Variants in BTRC observed in about 807,000 individuals in gnomAD.
BTRC encodes the protein beta-transducin repeat containing E3 ubiquitin protein ligase, also known as F-box/WD repeat-containing protein 1A.
A neutral mutation model predicts 85.5 loss-of-function variants in BTRC; 42 were observed. The ratio of observed to expected loss-of-function variants is 0.49; its 90% CI spans 0.38 to 0.64. The LOEUF (loss-of-function observed/expected upper bound fraction) is 0.64, where lower values mean the gene tolerates loss of function less well. Ranked by LOEUF, BTRC falls within the 30% of genes least tolerant of loss-of-function variation. The pLI, the probability that BTRC is intolerant of heterozygous loss-of-function variation, is 0.00. For synonymous variants in BTRC, 255 were observed against 263.3 expected, an observed-to-expected ratio of 0.97 and a Z score of 0.30; for missense variants, 594 against 743.5, an observed-to-expected ratio of 0.80 and a Z score of 2.34.
At chr10:101,393,118 A>C (rs1943278683) in intron 1 of BTRC, among the ~76,000 whole-genome samples, 1 of 152,048 alleles carries the variant, frequency 6.6e-6, no homozygotes, top group African/African-American at 2.4e-5. Flanking sequence ...CTTCCATAAA[A>C]ACTCAAGAGG....
intron 13 of BTRC, among the ~76,000 whole-genome samples, chr10:101,538,891 TAAA>T (rs899484314): frequency 6.7e-6 from 1 of 148,840 alleles, no homozygotes; most frequent in Non-Finnish European, 1.5e-5. Flanking sequence ...CTGCTAAAAA[TAAA>T]AAAAAAATTA....
At chr10:101,470,910 C>T (rs1387468853) in intron 3 of BTRC, among the ~76,000 whole-genome samples, 1 of 152,098 alleles carries the variant, frequency 6.6e-6, no homozygotes, top group Non-Finnish European at 1.5e-5. Context: ...TTTGTCCAAA[C>T]CATTTAGTTA....
chr10:101,473,954 T>C (rs1383374236), intron 3 of BTRC, among the ~76,000 whole-genome samples: 2 of 152,176 alleles, frequency 1.3e-5, no homozygotes, highest in Admixed American at 1.3e-4. Context: ...ATTTAGTTTA[T>C]TTTTGGTTTT....
At chr10:101,368,007 C>T (rs141890664) in intron 1 of BTRC, among the ~76,000 whole-genome samples, 80 of 152,208 alleles carry the variant, frequency 5.3e-4, no homozygotes, top group African/African-American at 1.9e-3. Flanking sequence ...TAGCTTTATG[C>T]TATGGTTTGA....
rs1413032711 is a variant in BTRC, at chr10:101,531,306, T to G, written c.813T>G (p.Leu271=). 6.2e-7 allele frequency: 1 copy of G among 1,609,864 alleles called. No homozygotes were observed. The highest frequency in any genetic ancestry group is 1.7e-5 in the Admixed American group (1 of 60,000). ...CTCCCAACTCTTTTTATAGAGCACTTTATCCTAAAATTATACAAGACATTG... is the reference window on the plus strand; with the variant it reads ...CTCCCAACTCTTTTTATAGAGCACTGTATCCTAAAATTATACAAGACATTG... ...NAPPNSFYRA[L]YPKIIQDIET... The change falls in exon 7 of 15, where the codon CTT becomes CTG. Residue 271 remains leucine, a synonymous_variant. Transcript: ENST00000370187.
intron 1 of BTRC, among the ~76,000 whole-genome samples, chr10:101,409,071 AAAAG>A (rs1176240109): frequency 1.3e-5 from 2 of 152,148 alleles, no homozygotes; most frequent in Non-Finnish European, 2.9e-5. Context: ...AAAAAACAAA[AAAAG>A]CCACACAAAA....
At chr10:101,407,471 T>C (rs1943656667) in intron 1 of BTRC, among the ~76,000 whole-genome samples, 1 of 152,202 alleles carries the variant, frequency 6.6e-6, no homozygotes. Context: ...TGGAGTGAAG[T>C]GGCGTGATCT....
intron 14 of BTRC, 122 bp downstream of exon 14, chr10:101,551,013 A>G (rs1452714233): frequency 1.1e-6 from 1 of 905,190 alleles, no homozygotes; most frequent in Non-Finnish European, 1.6e-6. Flanking sequence ...AAAGCCGAGG[A>G]AGCAGACAAT....
At chr10:101,538,481 C>T (rs2062419979) in intron 13 of BTRC, 110 bp downstream of exon 13, 1 of 977,372 alleles carries the variant, frequency 1.0e-6, no homozygotes, top group Admixed American at 2.1e-5. Flanking sequence ...CCTCACAAAA[C>T]CTACAACTAA....
chr10:101,385,366 CAAAA>C (rs10718968), intron 1 of BTRC, among the ~76,000 whole-genome samples: 2 of 82,920 alleles, frequency 2.4e-5, no homozygotes, highest in Non-Finnish European at 5.0e-5. Context: ...GACTCTGTCT[CAAAA>C]AAAAAAAAAA....
intron 5 of BTRC, among the ~76,000 whole-genome samples, chr10:101,523,139 G>A (rs892327398): frequency 1.3e-5 from 2 of 152,110 alleles, no homozygotes; most frequent in Admixed American, 1.3e-4. Context: ...AGGAGGCAGA[G>A]GTTGCAGTCA....
At chr10:101,386,897 T>C (rs1378141820) in intron 1 of BTRC, among the ~76,000 whole-genome samples, 2 of 152,238 alleles carry the variant, frequency 1.3e-5, no homozygotes, top group Admixed American at 1.3e-4. Context: ...TAGAGACTTT[T>C]TGAGTTTTGG....
chr10:101,514,029 G>A (rs2061991012), intron 4 of BTRC, among the ~76,000 whole-genome samples: 1 of 152,154 alleles, frequency 6.6e-6, no homozygotes, highest in African/African-American at 2.4e-5. Context: ...GACTAATAAT[G>A]TTGAACATCT....
chr10:101,522,988 G>A (rs1472817076), intron 5 of BTRC, among the ~76,000 whole-genome samples: 1 of 152,116 alleles, frequency 6.6e-6, no homozygotes, highest in Non-Finnish European at 1.5e-5. Flanking sequence ...GATGGATCAC[G>A]AGGTCAAGAG....
Position 101,358,680 on chromosome 10 carries a change from A to G in BTRC, c.48+4452A>G, listed in dbSNP as rs116534522. 3.4e-3 allele frequency among the ~76,000 whole-genome samples: 523 copies of G among 152,278 alleles called. 3 individuals are homozygous for G. Among genetic ancestry groups the G allele is most frequent in the African/African-American group, 0.012 (501 of 41,562 alleles). On this transcript the variant is annotated intron_variant, in intron 1 of 14. Transcript: ENST00000370187. ...TGGGAAAGACCTTCACTTCTCCTCT[A>G]TATGGGCCTTTCTCTACCTGGCTGC...
intron 2 of BTRC, among the ~76,000 whole-genome samples, chr10:101,456,853 A>G (rs1045603081): frequency 6.6e-6 from 1 of 152,208 alleles, no homozygotes; most frequent in South Asian, 2.1e-4. Flanking sequence ...AAAAGGTAAC[A>G]AGTTGTGCAC....
chr10:101,543,078 A>G (rs1005486231), intron 13 of BTRC, among the ~76,000 whole-genome samples: 2 of 152,120 alleles, frequency 1.3e-5, no homozygotes, highest in African/African-American at 2.4e-5. Flanking sequence ...GGATTTTGCC[A>G]TGTTGGGCAG....
intron 1 of BTRC, among the ~76,000 whole-genome samples, chr10:101,409,810 C>T (rs146084057): frequency 9.9e-5 from 15 of 152,190 alleles, no homozygotes; most frequent in South Asian, 2.1e-4. Flanking sequence ...TCTGTTTATT[C>T]GTTGATAAGT....
intron 1 of BTRC, among the ~76,000 whole-genome samples, chr10:101,406,740 G>A (rs1943636342): frequency 6.6e-6 from 1 of 150,404 alleles, no homozygotes; most frequent in Non-Finnish European, 1.5e-5. Context: ...TGCCATGTTG[G>A]CCAGGCTGGT....
Sources: gnomAD v4.1 joint callset for allele counts (sites outside exome capture counted in the v4.1 genomes callset) on GRCh38, gnomAD v4.1.1 for gene constraint, MANE v1.5 for transcripts, NCBI Gene and HGNC (gene_info 2026-07-23, HGNC 2026-07-21) for gene names.